The following USH2A variants were observed in gnomAD, a reference collection of about 807,000 sequenced individuals.
The protein encoded by USH2A is Usher syndrome 2A (autosomal recessive, mild).
Under a neutral mutation model 538.9 loss-of-function variants are expected in USH2A, and 443 were observed. The observed-to-expected ratio is 0.82, with a 90% CI of 0.76 to 0.89. The LOEUF (loss-of-function observed/expected upper bound fraction) is 0.89. Ranked by LOEUF, USH2A falls within the 40% of genes least tolerant of loss-of-function variation. USH2A has a pLI of 0.00. For synonymous variants in USH2A, 2,413 were observed against 2,273.5 expected, an observed-to-expected ratio of 1.06 and a Z score of -1.75; for missense variants, 6,633 against 6,324.8, an observed-to-expected ratio of 1.05 and a Z score of -1.65.
At chr1:216,198,711 T>C (rs2034913021) in intron 17 of USH2A, 127 bp from the exon 18 acceptor site, 4 of 889,556 alleles carry the variant, frequency 4.5e-6, no homozygotes, top group African/African-American at 3.4e-5. Flanking sequence ...TTACTGTCAA[T>C]TTCTTTAGCA....
At chr1:216,149,905 C>T (rs971780262) in intron 21 of USH2A, among the ~76,000 whole-genome samples, 17 of 152,240 alleles carry the variant, frequency 1.1e-4, no homozygotes, top group Admixed American at 7.2e-4. Context: ...CTGTGTCCAT[C>T]GGACAGCCAG....
chr1:216,380,310 G>A (rs2038904314), intron 3 of USH2A, among the ~76,000 whole-genome samples: 1 of 152,124 alleles, frequency 6.6e-6, no homozygotes, highest in South Asian at 2.1e-4. Context: ...ATATTTATGA[G>A]TATTGCTATC....
chr1:216,141,833 T>C (rs967734746), intron 21 of USH2A, among the ~76,000 whole-genome samples: 1 of 152,158 alleles, frequency 6.6e-6, no homozygotes, highest in Non-Finnish European at 1.5e-5. Flanking sequence ...AAGTATTTAT[T>C]CATCCATTTG....
chr1:215,862,528 C>T (rs1461363121), intron 44 of USH2A, among the ~76,000 whole-genome samples: 5 of 152,120 alleles, frequency 3.3e-5, no homozygotes, highest in Admixed American at 6.5e-5. Context: ...CAAACCTGCA[C>T]GTTGTGCAGA....
chr1:216,039,519 G>A (rs993305941), intron 32 of USH2A, among the ~76,000 whole-genome samples: 4 of 151,940 alleles, frequency 2.6e-5, no homozygotes, highest in Middle Eastern at 3.2e-3. Context: ...GAACACAGGC[G>A]TGTTAACAGC....
chr1:216,199,632 A>G lies in USH2A; in HGVS notation c.3806T>C (p.Leu1269Pro). 6.2e-7 allele frequency: 1 copy of G among 1,614,002 alleles called. No homozygotes were observed. The highest frequency in any genetic ancestry group is 8.5e-7 in the Non-Finnish European group (1 of 1,179,996). The change falls in exon 17 of 72, where the codon CTA (leucine) becomes CCA (proline). Residue 1269 changes from leucine to proline, a missense_variant. By Grantham distance (98) the Leu-to-Pro change is moderately conservative. Transcript: ENST00000307340. ...TCTCAGCCTTGGATTCTTACCATTTAGTTCCGCTGGTGGAGACCATTCTAC... is the reference window on the plus strand; with the variant it reads ...TCTCAGCCTTGGATTCTTACCATTTGGTTCCGCTGGTGGAGACCATTCTAC... ...LHVEWSPPAE[L>P]NGIIIRYELY...
At chr1:215,998,543 C>T (rs1381485837) in intron 34 of USH2A, among the ~76,000 whole-genome samples, 1 of 151,878 alleles carries the variant, frequency 6.6e-6, no homozygotes, top group Non-Finnish European at 1.5e-5. Context: ...ATACAAATGC[C>T]ACAGGGAAAT....
chr1:216,300,843 C>T (rs1031496170), intron 9 of USH2A, among the ~76,000 whole-genome samples: 5 of 150,674 alleles, frequency 3.3e-5, no homozygotes, highest in African/African-American at 7.3e-5. Flanking sequence ...CCACCACCCA[C>T]GTTCAAGAGA....
At chr1:216,052,765 T>C (rs568454311) in intron 30 of USH2A, among the ~76,000 whole-genome samples, 16 of 152,310 alleles carry the variant, frequency 1.1e-4, no homozygotes, top group African/African-American at 3.8e-4. Context: ...AGACACGTGG[T>C]TTATCTCCTT....
At chr1:216,090,211 A>C (rs1183516987) in intron 22 of USH2A, among the ~76,000 whole-genome samples, 2 of 152,088 alleles carry the variant, frequency 1.3e-5, no homozygotes, top group East Asian at 3.9e-4. Flanking sequence ...TTTTTTTCAA[A>C]AAGAGAAAAT....
At chr1:215,814,526 T>C (rs1285663071) in intron 48 of USH2A, among the ~76,000 whole-genome samples, 1 of 151,990 alleles carries the variant, frequency 6.6e-6, no homozygotes, top group African/African-American at 2.4e-5. Context: ...TGGAGAGAAG[T>C]AGGAAAGAGA....
intron 44 of USH2A, among the ~76,000 whole-genome samples, chr1:215,856,832 GGT>G (rs71159889): frequency 0.16 from 23,359 of 141,656 alleles, 1,972 homozygotes; most frequent in Admixed American, 0.25. Flanking sequence ...AAAAAAATTT[GGT>G]GTGTGTGTGT....
chr1:216,021,371 G>A (rs1416581294), intron 32 of USH2A, among the ~76,000 whole-genome samples: 2 of 152,072 alleles, frequency 1.3e-5, no homozygotes, highest in Non-Finnish European at 2.9e-5. Context: ...TTTATAAGAG[G>A]TTTCCCCTTT....
At chr1:216,049,501 C>G (rs12081975) in intron 30 of USH2A, among the ~76,000 whole-genome samples, 1 of 151,806 alleles carries the variant, frequency 6.6e-6, no homozygotes, top group South Asian at 2.1e-4. Flanking sequence ...ACTGTTTTTC[C>G]GCAAAGACGT....
chr1:215,753,789 T>C (rs1184204766), intron 58 of USH2A, among the ~76,000 whole-genome samples: 1 of 152,122 alleles, frequency 6.6e-6, no homozygotes, highest in Non-Finnish European at 1.5e-5. Flanking sequence ...TGTGCACATG[T>C]ACCCTAAAAC....
intron 32 of USH2A, among the ~76,000 whole-genome samples, chr1:216,039,164 C>T (rs72744690): frequency 0.021 from 3,189 of 152,020 alleles, 47 homozygotes; most frequent in Non-Finnish European, 0.035. Context: ...CTTTGTTGCT[C>T]GATGAATAAG....
At chr1:215,809,778 GA>G (rs909154436) in intron 49 of USH2A, among the ~76,000 whole-genome samples, 4 of 151,546 alleles carry the variant, frequency 2.6e-5, no homozygotes, top group Admixed American at 6.6e-5. Flanking sequence ...AAAGTCATGA[GA>G]AAAAAAATAA....
intron 3 of USH2A, among the ~76,000 whole-genome samples, chr1:216,417,530 C>A (rs1385493319): frequency 6.6e-6 from 1 of 152,078 alleles, no homozygotes; most frequent in Non-Finnish European, 1.5e-5. Flanking sequence ...GTTTTCTCAT[C>A]AGTACTTTAA....
chr1:215,816,935 A>T, intron 48 of USH2A, 62 bp downstream of exon 48: 1 of 1,530,668 alleles, frequency 6.5e-7, no homozygotes, highest in Non-Finnish European at 9.0e-7. Context: ...AGAAGCTAAT[A>T]ATTTCACTTG....
Sources: gnomAD v4.1 joint callset for allele counts (sites outside exome capture counted in the v4.1 genomes callset) on GRCh38, gnomAD v4.1.1 for gene constraint, MANE v1.5 for transcripts, NCBI Gene and HGNC (gene_info 2026-07-23, HGNC 2026-07-21) for gene names.